EIF2AK4: variants seen among roughly 807,000 people sequenced by gnomAD.
EIF2AK4 encodes eIF-2-alpha kinase GCN2.
Under a neutral mutation model 211.1 loss-of-function variants are expected in EIF2AK4, and 139 were observed. The ratio of observed to expected loss-of-function variants is 0.66; its 90% CI spans 0.57 to 0.76. The LOEUF is 0.76. Among genes scored for constraint, EIF2AK4 ranks in the 30% least tolerant of loss-of-function variants. The probability of loss-of-function intolerance (pLI) is 0.00; values close to 1 mark genes in which losing one functional copy is unlikely to be tolerated. For missense variants in EIF2AK4, 1,664 were observed against 2,043.8 expected (o/e 0.81, Z 3.58); for synonymous variants, 710 against 751.3 (o/e 0.94, Z 0.90).
At chr15:39,995,110 G>A (rs1310360132) in intron 18 of EIF2AK4, among the ~76,000 whole-genome samples, 6 of 152,212 alleles carry the variant, frequency 3.9e-5, no homozygotes, top group Admixed American at 1.3e-4. Context: ...CCAAAGTGCT[G>A]GGATTACAGG....
Position 39,951,619 on chromosome 15 carries a change from G to A in EIF2AK4, c.514-2285G>A, listed in dbSNP as rs561395045. 2.3e-4 allele frequency: 59 copies of A among 255,728 alleles called. 1 individual carries two copies. The highest frequency in any genetic ancestry group is 9.5e-4 in the African/African-American group (41 of 43,332). 15.8% of individuals were successfully genotyped at this position (255,728 alleles called of 1,614,324 possible). On this transcript the variant is annotated intron_variant, in intron 4 of 38. Coordinates refer to ENST00000263791, the MANE Select transcript of EIF2AK4 (RefSeq NM_001013703.4). ...ATCAGTTCAGTGGACTTGTGGTAAC[G>A]TCTAATTTCACAGAATGCCACAGTA...
In EIF2AK4 at chr15:39,934,260, G is replaced by A; in HGVS notation, c.65G>A (p.Arg22Gln). The stretch of plus-strand genomic sequence containing the variant: ...GAGCCTCCGGAGAGCTACCCGCAAC[G>A]ACAGGACCACGAGCTACAGGCCCTG... ...RDEPPESYPQ[R>Q]QDHELQALEA... is the part of the protein sequence containing the mutation. Residue 22 changes from arginine to glutamine, a missense_variant, in exon 1 of 39, where the codon CGA (arginine) becomes CAA (glutamine). By Grantham distance (43) the Arg-to-Gln change is conservative. Around this residue, in one of 7 missense-constraint regions of EIF2AK4, gnomAD observed 641 missense variants for 729.6 expected, o/e 0.88. Transcript: ENST00000263791. 1 of 1,610,942 alleles carries A rather than the reference G, an allele frequency of 6.2e-7. No individual in the cohort carries two copies. The highest frequency in any genetic ancestry group is 8.5e-7 in the Non-Finnish European group (1 of 1,178,766).
Position 39,961,760 on chromosome 15 carries a change from G to A in EIF2AK4, c.744-24G>A, listed in dbSNP as rs374504613. The A allele has an allele frequency of 4.3e-5, 66 of 1,551,938 alleles. No homozygotes were observed. The East Asian group carries it at 7.2e-4, about 17-fold the overall frequency. On this transcript the variant is annotated intron_variant, in intron 6 of 38. Coordinates refer to ENST00000263791, the MANE Select transcript of EIF2AK4 (RefSeq NM_001013703.4). ...AAAAATGAAAAATGATTGTTCAAAT[G>A]TATTGTTCAAATTTATTTTTAAGGC... is the stretch of plus-strand genomic sequence containing the variant.
At chr15:39,949,702 TAA>T (rs1450645819) in intron 4 of EIF2AK4, among the ~76,000 whole-genome samples, 1 of 152,118 alleles carries the variant, frequency 6.6e-6, no homozygotes, top group Non-Finnish European at 1.5e-5. Context: ...ATTTTAAAAA[TAA>T]GACAGTTAAT....
chr15:40,023,580 CCT>C (rs1567009041), intron 32 of EIF2AK4, among the ~76,000 whole-genome samples: 3 of 152,126 alleles, frequency 2.0e-5, no homozygotes, highest in East Asian at 1.9e-4. Context: ...CAGATATTCC[CCT>C]GTTATTGTTT....
At chr15:40,019,549 C>T (rs774640751) in intron 30 of EIF2AK4, among the ~76,000 whole-genome samples, 9 of 152,142 alleles carry the variant, frequency 5.9e-5, no homozygotes, top group Admixed American at 1.3e-4. Flanking sequence ...GTCAGATCAG[C>T]GGTGGCATTA....
intron 4 of EIF2AK4, 149 bp from the exon 5 acceptor site, chr15:39,953,755 C>A: frequency 1.4e-6 from 1 of 703,414 alleles, no homozygotes; most frequent in South Asian, 2.0e-5. Flanking sequence ...GATAGAACTG[C>A]AGTTTGTACT....
chr15:39,940,256 C>T (rs1357719066), intron 2 of EIF2AK4, among the ~76,000 whole-genome samples: 1 of 152,200 alleles, frequency 6.6e-6, no homozygotes, highest in East Asian at 1.9e-4. Context: ...CTAGTTAGAG[C>T]CAAAGTGTTA....
chr15:39,947,121 T>C (rs1021128472), intron 3 of EIF2AK4, among the ~76,000 whole-genome samples: 1 of 152,230 alleles, frequency 6.6e-6, no homozygotes, highest in Non-Finnish European at 1.5e-5. Flanking sequence ...TTTGAATGGG[T>C]GTTAAACATG....
Position 40,020,935 on chromosome 15 carries a change from G to A in EIF2AK4, c.4210G>A (p.Val1404Ile). ...ISSCDLLVVS[V>I]GQMSMSRAIN... ...CTCTTGTGACCTCCTGGTTGTAAGT[G>A]TTGGCCAGATGTCTATGTCCAGGGC... The change falls in exon 31 of 39, where the codon GTT (valine) becomes ATT (isoleucine). Residue 1404 changes from valine (V) to isoleucine (I), a missense_variant. Transcript: ENST00000263791. 6.2e-7 allele frequency: 1 copy of A among 1,612,824 alleles called. No homozygotes were observed. Among genetic ancestry groups the A allele is most frequent in the Non-Finnish European group, 8.5e-7 (1 of 1,179,398 alleles).
In EIF2AK4 at chr15:40,032,121, A is replaced by G. The variant is rs113145166; in HGVS notation, c.4660-48A>G. On this transcript the variant is annotated intron_variant, in intron 35 of 38. Transcript: ENST00000263791. ...GGGATAGGAAATAAGATGGCAAGAAAGATGGCTTGGTTTAACATGTTCTGA... is the reference window on the plus strand; with the variant it reads ...GGGATAGGAAATAAGATGGCAAGAAGGATGGCTTGGTTTAACATGTTCTGA... The G allele has an allele frequency of 2.6e-3, 3,807 of 1,446,768 alleles. 85 individuals are homozygous for G. In the African/African-American group the frequency reaches 0.047, roughly 18 times the overall value. The allele number at this position is 1,446,768 out of a possible 1,614,324, so 89.6% of individuals were successfully genotyped here.
Position 39,992,842 on chromosome 15 carries a change from C to T in EIF2AK4, c.2760C>T (p.Tyr920=), listed in dbSNP as rs745972909. The change falls in exon 18 of 39, where the codon TAC becomes TAT. Residue 920 remains tyrosine (Y), a synonymous_variant. Transcript: ENST00000263791. ...PEVQGSTKSA[Y]NQKVDLFSLG... ...TCCAAGGAAGCACCAAATCTGCATACAACCAGGTAAGAGGTTTTGTGGGGA... is the reference window on the plus strand; with the variant it reads ...TCCAAGGAAGCACCAAATCTGCATATAACCAGGTAAGAGGTTTTGTGGGGA... 1.9e-6 allele frequency: 3 copies of T among 1,613,942 alleles called. No homozygotes were observed. The African/African-American group carries it at 4.0e-5, about 22-fold the overall frequency.
At chr15:39,943,219 G>A (rs971100193) in intron 2 of EIF2AK4, among the ~76,000 whole-genome samples, 164 bp from the exon 3 acceptor site, 3 of 152,314 alleles carry the variant, frequency 2.0e-5, no homozygotes, top group South Asian at 4.1e-4. Flanking sequence ...CCTGTAGGAC[G>A]CAGGTGACTC....
At chr15:39,999,183 T>C (rs147612322) in intron 20 of EIF2AK4, among the ~76,000 whole-genome samples, 84 of 152,282 alleles carry the variant, frequency 5.5e-4, no homozygotes, top group African/African-American at 1.9e-3. Flanking sequence ...GCTCAGATTA[T>C]GGGGGAAGGG....
At chr15:40,011,728 C>T (rs764787573) in intron 27 of EIF2AK4, among the ~76,000 whole-genome samples, 4 of 152,222 alleles carry the variant, frequency 2.6e-5, no homozygotes, top group Non-Finnish European at 5.9e-5. Flanking sequence ...CAGAATTCTG[C>T]AAATTCATCT....
At chr15:39,945,386 A>G (rs531957846) in intron 3 of EIF2AK4, among the ~76,000 whole-genome samples, 20 of 152,308 alleles carry the variant, frequency 1.3e-4, no homozygotes, top group African/African-American at 4.8e-4. Flanking sequence ...TAGCCACCAC[A>G]TTCCTTTACG....
At chr15:39,944,593 G>A (rs575475337) in intron 3 of EIF2AK4, among the ~76,000 whole-genome samples, 5 of 151,966 alleles carry the variant, frequency 3.3e-5, no homozygotes, top group Non-Finnish European at 7.4e-5. Flanking sequence ...CACCATGCCC[G>A]GCTAATTTTT....
chr15:40,034,382 G>A lies in EIF2AK4; in HGVS notation c.4830G>A (p.Leu1610=). The change falls in exon 38 of 39, where the codon CTG becomes CTA. Residue 1610 remains leucine (L), a synonymous_variant. Coordinates refer to ENST00000263791, the MANE Select transcript of EIF2AK4 (RefSeq NM_001013703.4). ...CTGTGAAGCAGCTGCTGTCACGCCT[G>A]CCAAAGCAAAGATACCTCAAATTAG... ...NTTVKQLLSR[L]PKQRYLKLVC... 1 of 1,614,020 alleles carries A rather than the reference G, an allele frequency of 6.2e-7. No individual in the cohort carries two copies. Among genetic ancestry groups the A allele is most frequent in the Non-Finnish European group, 8.5e-7 (1 of 1,179,982 alleles).
chr15:40,023,227 G>C (rs2140947002), intron 32 of EIF2AK4, among the ~76,000 whole-genome samples: 1 of 152,164 alleles, frequency 6.6e-6, no homozygotes, highest in East Asian at 1.9e-4. Flanking sequence ...TCATTGCTTT[G>C]TAACCAATTT....
Sources: allele counts gnomAD v4.1 joint callset (sites outside exome capture counted in the v4.1 genomes callset), GRCh38; gene constraint gnomAD v4.1.1; regional missense constraint gnomAD v4.1.1; transcripts MANE v1.5; gene names NCBI Gene and HGNC (gene_info 2026-07-23, HGNC 2026-07-21).